Variants in CST7 observed in about 807,000 individuals in gnomAD.
The protein encoded by CST7 is cystatin F.
In CST7, 15 loss-of-function variants were observed where a neutral mutation model predicts 13.1. That is an observed-to-expected ratio of 1.14 (90% CI 0.77 to 1.76). The LOEUF is 1.76. Ranked by LOEUF, CST7 falls within the 40% of genes most tolerant of loss-of-function variation. The pLI is 0.00. For synonymous variants in CST7, 75 were observed against 66.9 expected, an observed-to-expected ratio of 1.12 and a Z score of -0.59; for missense variants, 193 against 178.8, an observed-to-expected ratio of 1.08 and a Z score of -0.45.
intron 1 of CST7, among the ~76,000 whole-genome samples, chr20:24,957,012 A>G (rs1600962622): frequency 1.6e-4 from 1 of 6,450 alleles, no homozygotes. Context: ...GGGGCAGGTG[A>G]GGGGGGCAGG....
Position 24,949,368 on chromosome 20 carries a change from G to T in CST7, c.-138G>T. On this transcript the variant is annotated 5_prime_UTR_variant, in exon 1 of 4. Coordinates refer to ENST00000480798, the MANE Select transcript of CST7 (RefSeq NM_003650.4). ...AGGATTGGCACGGGCACAGACCACT[G>T]CCCCCACCTGCCCTGCGCCATCTAC... The T allele has an allele frequency of 6.4e-7, 1 of 1,570,930 alleles. No homozygotes were observed. Among genetic ancestry groups the T allele is most frequent in the South Asian group, 1.2e-5 (1 of 83,540 alleles).
At chr20:24,953,648 T>G (rs758328021) in intron 1 of CST7, among the ~76,000 whole-genome samples, 8 of 151,922 alleles carry the variant, frequency 5.3e-5, no homozygotes, top group Non-Finnish European at 1.0e-4. Context: ...GTCTGGAAGC[T>G]CCCTACCTGT....
intron 1 of CST7, among the ~76,000 whole-genome samples, chr20:24,953,826 A>C (rs2087836165): frequency 1.3e-5 from 2 of 152,052 alleles, no homozygotes. Flanking sequence ...GACGGATTTT[A>C]TGTGCCTTTT....
chr20:24,952,237 T>C (rs943043702), intron 1 of CST7, among the ~76,000 whole-genome samples: 4 of 152,220 alleles, frequency 2.6e-5, no homozygotes, highest in Admixed American at 2.6e-4. Flanking sequence ...CTCACTGTCG[T>C]CAGCATCCTC....
At chr20:24,950,584 T>C (rs1285190076) in intron 1 of CST7, among the ~76,000 whole-genome samples, 1 of 152,190 alleles carries the variant, frequency 6.6e-6, no homozygotes, top group African/African-American at 2.4e-5. Flanking sequence ...GGGCAGCTTC[T>C]GCTCTCACTG....
intron 2 of CST7, 47 bp from the exon 3 acceptor site, chr20:24,958,881 C>T (rs368366585): frequency 5.7e-6 from 8 of 1,396,242 alleles, no homozygotes; most frequent in Non-Finnish European, 8.1e-6. Flanking sequence ...GAGAAGCCTG[C>T]CCTCCCTCCC....
rs191105909 is a variant in CST7 at position 24,950,629 on chromosome 20, T to C, written c.70+1054T>C. On this transcript the variant is annotated intron_variant, in intron 1 of 3. Coordinates refer to ENST00000480798, the MANE Select transcript of CST7 (RefSeq NM_003650.4). ...TGCCACCGCCACCAGCTCTGGGTAG[T>C]GCTCAGCGAACATGGAGCTGACCCA... Among the ~76,000 whole-genome samples, 79 of 152,260 alleles carry C rather than the reference T, an allele frequency of 5.2e-4. 2 individuals are homozygous for C. The East Asian group carries it at 0.015, about 29-fold the overall frequency.
chr20:24,954,334 C>T (rs6050197), intron 1 of CST7, among the ~76,000 whole-genome samples: 13,031 of 152,264 alleles, frequency 0.086, 631 homozygotes, highest in Middle Eastern at 0.12. Context: ...CCCATTCTCC[C>T]GCTCCCTGCC....
At chr20:24,957,542 C>A (rs1288465194) in intron 2 of CST7, 83 bp downstream of exon 2, 2 of 1,381,554 alleles carry the variant, frequency 1.4e-6, no homozygotes, top group Non-Finnish European at 1.0e-6. Flanking sequence ...GAGAGCAGGG[C>A]GGATATAATG....
intron 1 of CST7, among the ~76,000 whole-genome samples, chr20:24,953,369 G>A (rs2087832676): frequency 6.6e-6 from 1 of 152,194 alleles, no homozygotes; most frequent in Non-Finnish European, 1.5e-5. Context: ...ACAGGGAGAG[G>A]AAGAAGCTGT....
At chr20:24,955,355 G>A (rs2087846992) in intron 1 of CST7, among the ~76,000 whole-genome samples, 1 of 152,072 alleles carries the variant, frequency 6.6e-6, no homozygotes, top group Admixed American at 6.5e-5. Context: ...CTGGGGAAAT[G>A]CAGGTTCCAG....
chr20:24,958,841 A>G (rs2087875851), intron 2 of CST7, 87 bp from the exon 3 acceptor site: 2 of 958,710 alleles, frequency 2.1e-6, no homozygotes, highest in African/African-American at 1.6e-5. Context: ...GGGCACCTGC[A>G]CCACTGTCTT....
Position 24,958,921 on chromosome 20 carries a change from C to T in CST7, c.244-7C>T, listed in dbSNP as rs765936037. 6 of 1,606,400 alleles carry T rather than the reference C, an allele frequency of 3.7e-6. No homozygotes were observed. The Admixed American group carries it at 1.0e-4, about 27-fold the overall frequency. On this transcript the variant is annotated splice_region_variant and splice_polypyrimidine_tract_variant and intron_variant, in intron 2 of 3. Coordinates refer to ENST00000480798, the MANE Select transcript of CST7 (RefSeq NM_003650.4). ...GCCCAGTAACCCAGTCCCTTTGCTC[C>T]CTCCAGATAGTGAAAGGCCTGAAAT... is the stretch of plus-strand genomic sequence containing the variant.
chr20:24,956,476 G>A (rs1294646729), intron 1 of CST7, among the ~76,000 whole-genome samples: 1 of 152,208 alleles, frequency 6.6e-6, no homozygotes, highest in African/African-American at 2.4e-5. Flanking sequence ...GGACATGACT[G>A]TGGGGGAGGC....
At chr20:24,955,536 G>A (rs955282484) in intron 1 of CST7, among the ~76,000 whole-genome samples, 6 of 146,262 alleles carry the variant, frequency 4.1e-5, no homozygotes, top group Non-Finnish European at 7.4e-5. Flanking sequence ...TGCAAGCTCC[G>A]CCTCCCGGGT....
intron 1 of CST7, among the ~76,000 whole-genome samples, chr20:24,955,513 G>A (rs866955384): frequency 1.7e-4 from 25 of 149,804 alleles, no homozygotes; most frequent in African/African-American, 4.2e-4. Context: ...GCAGTGGCGC[G>A]ATCTCGGCTC....
At chr20:24,952,884 C>T (rs1159308615) in intron 1 of CST7, among the ~76,000 whole-genome samples, 1 of 152,224 alleles carries the variant, frequency 6.6e-6, no homozygotes, top group Admixed American at 6.5e-5. Context: ...AATGCCAGCC[C>T]CCGCTGTGCC....
At chr20:24,956,930 CT>C (rs1216583208) in intron 1 of CST7, among the ~76,000 whole-genome samples, 1 of 127,462 alleles carries the variant, frequency 7.8e-6, no homozygotes, top group African/African-American at 3.0e-5. Flanking sequence ...ATTGCACCCC[CT>C]GGCACCTGGT....
At chr20:24,953,072 C>T (rs2087830480) in intron 1 of CST7, among the ~76,000 whole-genome samples, 1 of 152,234 alleles carries the variant, frequency 6.6e-6, no homozygotes, top group African/African-American at 2.4e-5. Context: ...GAAACTGCAG[C>T]TCCCTGCTGC....
Sources: gnomAD v4.1 joint callset for allele counts (sites outside exome capture counted in the v4.1 genomes callset) on GRCh38, gnomAD v4.1.1 for gene constraint, MANE v1.5 for transcripts, NCBI Gene and HGNC (gene_info 2026-07-23, HGNC 2026-07-21) for gene names.